The following PLEKHG4B variants were observed in gnomAD, a reference collection of about 807,000 sequenced individuals.
PLEKHG4B encodes the protein pleckstrin homology and RhoGEF domain containing G4B.
Under a neutral mutation model 121.3 loss-of-function variants are expected in PLEKHG4B, and 111 were observed. The ratio of observed to expected loss-of-function variants is 0.92; its 90% confidence interval spans 0.78 to 1.07. The LOEUF is 1.07. Ranked by LOEUF, PLEKHG4B falls within the 50% of genes least tolerant of loss-of-function variation. The pLI is 0.00. For missense variants in PLEKHG4B, 1,831 were observed against 1,757.8 expected (o/e 1.04, Z -0.74); for synonymous variants, 738 against 725.0 (o/e 1.02, Z -0.29).
chr5:146,783 TTC>T (rs1340594782), intron 6 of PLEKHG4B, among the ~76,000 whole-genome samples: 1 of 148,476 alleles, frequency 6.7e-6, no homozygotes, highest in Non-Finnish European at 1.5e-5. Context: ...CTGCCACCAC[TTC>T]TCTCCCCCAC....
At chr5:162,377 G>A (rs932803884) in intron 12 of PLEKHG4B, among the ~76,000 whole-genome samples, 6 of 152,244 alleles carry the variant, frequency 3.9e-5, no homozygotes, top group African/African-American at 7.2e-5. Context: ...CAGCATTTGA[G>A]GGGTCATGGG....
chr5:122,467 T>A (rs1010254069), intron 2 of PLEKHG4B, among the ~76,000 whole-genome samples: 9 of 152,146 alleles, frequency 5.9e-5, no homozygotes, highest in African/African-American at 1.9e-4. Context: ...TCTCCTGGGC[T>A]GGAGTACGGT....
chr5:178,422 T>C (rs1476612867), intron 18 of PLEKHG4B, among the ~76,000 whole-genome samples: 2 of 152,244 alleles, frequency 1.3e-5, no homozygotes, highest in Non-Finnish European at 2.9e-5. Context: ...AAATTTTCCA[T>C]GTGCACGTGA....
intron 1 of PLEKHG4B, among the ~76,000 whole-genome samples, chr5:111,854 G>T (rs75661776): frequency 6.6e-6 from 1 of 152,060 alleles, no homozygotes; most frequent in African/African-American, 2.4e-5. Flanking sequence ...CCTGGTGCCC[G>T]ATGTGGGTGA....
intron 7 of PLEKHG4B, 152 bp from the exon 8 acceptor site, chr5:154,723 A>G: frequency 1.6e-6 from 1 of 625,028 alleles, no homozygotes; most frequent in South Asian, 1.9e-5. Flanking sequence ...CTGCACCCAG[A>G]CCCGTGCTAT....
chr5:163,115 C>T lies in PLEKHG4B; in HGVS notation c.3043C>T (p.Arg1015Ter), dbSNP rs374657496. The part of the protein sequence containing the change: ...PAQPLSGLPG[R>*]ALLCGQDGET... ...GCAACCACTGTCCGGCCTCCCTGGACGAGCGCTTCTGTGTGGACAGGACGG... is the reference window on the plus strand; with the variant it reads ...GCAACCACTGTCCGGCCTCCCTGGATGAGCGCTTCTGTGTGGACAGGACGG... The change falls in exon 13 of 20, where the codon CGA (arginine) becomes TGA (stop). Residue 1015 changes from arginine (R) to a stop codon, truncating the protein, a stop_gained. Coordinates refer to ENST00000637938, the MANE Select transcript of PLEKHG4B (RefSeq NM_052909.5). LOFTEE classifies it high-confidence loss of function. 77 of 1,563,502 alleles carry T rather than the reference C, an allele frequency of 4.9e-5. No homozygotes were observed. Among genetic ancestry groups the T allele is most frequent in the African/African-American group, 1.4e-4 (10 of 73,562 alleles).
chr5:164,745 G>C (rs1425659631), intron 13 of PLEKHG4B, among the ~76,000 whole-genome samples: 1 of 82,208 alleles, frequency 1.2e-5, no homozygotes. Flanking sequence ...GACGGGGCGG[G>C]GCTCACAGTA....
intron 1 of PLEKHG4B, among the ~76,000 whole-genome samples, chr5:93,742 C>A (rs1218180224): frequency 6.6e-6 from 1 of 152,180 alleles, no homozygotes; most frequent in African/African-American, 2.4e-5. Flanking sequence ...ATCTGTGGCA[C>A]TGGCTAGCTC....
intron 11 of PLEKHG4B, among the ~76,000 whole-genome samples, chr5:161,050 C>T (rs1042617729): frequency 2.6e-5 from 4 of 152,208 alleles, no homozygotes; most frequent in African/African-American, 7.2e-5. Context: ...ACAGGCCTCT[C>T]ATCTCTGGGC....
rs1736115588 is a variant in PLEKHG4B at position 163,399 on chromosome 5, G to A, written c.3327G>A (p.Lys1109=). 1 of 1,612,950 alleles carries A rather than the reference G, an allele frequency of 6.2e-7. No homozygotes were observed. The change falls in exon 13 of 20, where the codon AAG becomes AAA. Residue 1109 remains lysine (K), a synonymous_variant. Transcript: ENST00000637938. ...CAGACCATACTAGTGTCTTCAGCAA[G>A]GGCCTGGAGGTAACCAGCACTGTAG... is the stretch of plus-strand genomic sequence containing the variant. ...CQPDHTSVFS[K]GLEVTSTVAT... is the part of the protein sequence containing the mutation.
chr5:113,477 C>T lies in PLEKHG4B; in HGVS notation c.243+29C>T, dbSNP rs536166212. 1.5e-5 allele frequency: 6 copies of T among 399,022 alleles called. No individual in the cohort carries two copies. Among genetic ancestry groups the T allele is most frequent in the African/African-American group, 1.0e-4 (5 of 48,752 alleles). 24.7% of individuals were successfully genotyped at this position (399,022 alleles called of 1,614,324 possible). A position where few individuals can be genotyped will look rare whatever the true frequency, so the allele number is the denominator to read the frequency against. Reference sequence around the variant, plus strand: ...AGTACCTCCCTTGTAGCTCTGAGACCGTGGCCAACCTGGAGGAACCTGCCC... The same window carrying T: ...AGTACCTCCCTTGTAGCTCTGAGACTGTGGCCAACCTGGAGGAACCTGCCC... On this transcript the variant is annotated intron_variant, in intron 2 of 19. Transcript: ENST00000637938. The surrounding 1 kb of genome is among the most constrained non-coding windows in gnomAD (Gnocchi z 5.2).
At chr5:96,574 T>G (rs534523699) in intron 1 of PLEKHG4B, among the ~76,000 whole-genome samples, 2 of 152,134 alleles carry the variant, frequency 1.3e-5, no homozygotes, top group East Asian at 3.8e-4. Context: ...TGAGTTTTCT[T>G]TATGGATTGT....
intron 1 of PLEKHG4B, among the ~76,000 whole-genome samples, chr5:97,318 A>C (rs7710176): frequency 0.037 from 4,368 of 118,136 alleles, 3 homozygotes; most frequent in African/African-American, 0.084. Context: ...TTCCAAAGTC[A>C]AAACCCCTTA....
At chr5:149,563 C>T (rs1735537129) in intron 6 of PLEKHG4B, among the ~76,000 whole-genome samples, 1 of 151,848 alleles carries the variant, frequency 6.6e-6, no homozygotes, top group African/African-American at 2.4e-5. Flanking sequence ...TAAGAAGACG[C>T]TATCAACAGA....
Position 188,947 on chromosome 5 carries a change from CGTGA to C in PLEKHG4B, c.*6627_*6630del, listed in dbSNP as rs1488279889. The C allele has an allele frequency of 1.3e-5, 2 of 152,248 alleles. No individual in the cohort carries two copies. Among genetic ancestry groups the C allele is most frequent in the African/African-American group, 4.8e-5 (2 of 41,454 alleles). 9.4% of individuals were successfully genotyped at this position (152,248 alleles called of 1,614,324 possible). On this transcript the variant is annotated 3_prime_UTR_variant, in exon 20 of 20. Transcript: ENST00000637938. Reference sequence around the variant, plus strand: ...GGGTCCTAGGGAGAGGCCCGTGCGACGTGAGTAACAGCAGTTTTTCTTCTGACAG... The same window carrying C: ...GGGTCCTAGGGAGAGGCCCGTGCGACGTAACAGCAGTTTTTCTTCTGACAG...
intron 3 of PLEKHG4B, among the ~76,000 whole-genome samples, chr5:142,832 G>A (rs868623213): frequency 2.0e-5 from 3 of 152,340 alleles, no homozygotes; most frequent in Admixed American, 6.5e-5. Flanking sequence ...TGGAGACTCC[G>A]TCTCCGTGAT....
At chr5:176,482 C>G (rs1736765004) in intron 18 of PLEKHG4B, among the ~76,000 whole-genome samples, 1 of 152,236 alleles carries the variant, frequency 6.6e-6, no homozygotes, top group Admixed American at 6.5e-5. Flanking sequence ...AGAATGCAGC[C>G]TCCAAAGGGA....
In PLEKHG4B at chr5:181,539, C is replaced by A; in HGVS notation, c.4428C>A (p.Ser1476=). ...AACTCAGAATCCAAGAAATGGCATC[C>A]ATGGGTATAGGCAACCAGCCATTCA... ...SRELRIQEMA[S]MGIGNQPFMD... The change falls in exon 19 of 20, where the codon TCC becomes TCA. Residue 1476 remains serine (S), a synonymous_variant. Coordinates refer to ENST00000637938, the MANE Select transcript of PLEKHG4B (RefSeq NM_052909.5). 6.2e-7 allele frequency: 1 copy of A among 1,613,948 alleles called. No homozygotes were observed. The highest frequency in any genetic ancestry group is 8.5e-7 in the Non-Finnish European group (1 of 1,179,914).
In PLEKHG4B at chr5:188,045, CCT is replaced by C. The variant is rs1733677548; in HGVS notation, c.*5723_*5724del. 6.6e-6 allele frequency: 1 copy of C among 152,356 alleles called. No individual in the cohort carries two copies. The highest frequency in any genetic ancestry group is 2.1e-4 in the South Asian group (1 of 4,830). The allele number at this position is 152,356 out of a possible 1,614,324, so 9.4% of individuals were successfully genotyped here. A position where few individuals can be genotyped will look rare whatever the true frequency, so the allele number is the denominator to read the frequency against. On this transcript the variant is annotated 3_prime_UTR_variant, in exon 20 of 20. Transcript: ENST00000637938. ...GCCCCCGCCCTGCTCTCAGGAGCCC[CCT>C]GCCAGGTGCTCTGACCACAGGAAAC...
Sources: gnomAD v4.1 joint callset for allele counts (sites outside exome capture counted in the v4.1 genomes callset) on GRCh38, gnomAD v4.1.1 for gene constraint, Gnocchi (gnomAD v3.1) non-coding constraint, MANE v1.5 for transcripts, NCBI Gene and HGNC (gene_info 2026-07-23, HGNC 2026-07-21) for gene names.